LPP: variants seen among roughly 807,000 people sequenced by gnomAD.
LPP encodes lipoma-preferred partner.
Under a neutral mutation model 60.4 loss-of-function variants are expected in LPP, and 38 were observed. The observed-to-expected ratio is 0.63, with a 90% CI of 0.49 to 0.83. The LOEUF is 0.83. Among genes scored for constraint, LPP ranks in the 40% least tolerant of loss-of-function variants. LPP has a pLI of 0.00. For missense variants in LPP, 902 were observed against 783.6 expected, an observed-to-expected ratio of 1.15 and a Z score of -1.80; for synonymous variants, 328 against 290.8, an observed-to-expected ratio of 1.13 and a Z score of -1.30.
chr3:188,557,467 C>T (rs1046687244), intron 6 of LPP, among the ~76,000 whole-genome samples: 3 of 152,088 alleles, frequency 2.0e-5, no homozygotes, highest in African/African-American at 7.2e-5. Flanking sequence ...GTTGCAATTC[C>T]TGTGCCAATT....
chr3:188,423,943 G>A (rs1788590800), intron 4 of LPP, among the ~76,000 whole-genome samples: 1 of 151,956 alleles, frequency 6.6e-6, no homozygotes, highest in Non-Finnish European at 1.5e-5. Flanking sequence ...TTGCTGTGCA[G>A]AAGCTCTTTA....
intron 3 of LPP, among the ~76,000 whole-genome samples, chr3:188,363,190 A>G (rs1027640418): frequency 2.6e-5 from 4 of 152,158 alleles, no homozygotes; most frequent in Admixed American, 6.5e-5. Context: ...CCACAGGATG[A>G]TCTCTTTCAC....
At chr3:188,594,742 TA>T (rs1179155310) in intron 6 of LPP, among the ~76,000 whole-genome samples, 7 of 152,326 alleles carry the variant, frequency 4.6e-5, no homozygotes, top group East Asian at 1.9e-4. Context: ...GAGATATGAT[TA>T]TTTTTTTCTG....
At chr3:188,770,449 C>G (rs1735592788) in intron 9 of LPP, among the ~76,000 whole-genome samples, 1 of 151,408 alleles carries the variant, frequency 6.6e-6, no homozygotes, top group Non-Finnish European at 1.5e-5. Flanking sequence ...CCTTGGCCTC[C>G]CAAAGTGCTG....
intron 6 of LPP, among the ~76,000 whole-genome samples, chr3:188,589,860 A>G (rs1329984633): frequency 1.3e-5 from 2 of 152,228 alleles, no homozygotes; most frequent in Non-Finnish European, 2.9e-5. Context: ...TGAAATGTGT[A>G]GCTTGTGTAG....
intron 9 of LPP, among the ~76,000 whole-genome samples, chr3:188,799,757 C>A (rs1431562955): frequency 6.6e-6 from 1 of 152,140 alleles, no homozygotes; most frequent in East Asian, 1.9e-4. Context: ...TTAGTTTCTT[C>A]ATGCAAGCAA....
chr3:188,220,783 T>C (rs1560122830), intron 1 of LPP, among the ~76,000 whole-genome samples: 1 of 152,136 alleles, frequency 6.6e-6, no homozygotes, highest in Non-Finnish European at 1.5e-5. Context: ...GGGTCTGTTA[T>C]GTTGGTGAGA....
chr3:188,795,442 G>A (rs759786014), intron 9 of LPP, among the ~76,000 whole-genome samples: 1 of 152,178 alleles, frequency 6.6e-6, no homozygotes, highest in Non-Finnish European at 1.5e-5. Context: ...AAGCCTAGAG[G>A]TCCTATGCCA....
At chr3:188,555,932 T>A (rs1829356007) in intron 6 of LPP, among the ~76,000 whole-genome samples, 1 of 151,974 alleles carries the variant, frequency 6.6e-6, no homozygotes, top group Non-Finnish European at 1.5e-5. Context: ...TTTGATGTCA[T>A]GGAGAAAATA....
At chr3:188,462,247 AT>A (rs1799132350) in intron 4 of LPP, among the ~76,000 whole-genome samples, 1 of 151,402 alleles carries the variant, frequency 6.6e-6, no homozygotes, top group Non-Finnish European at 1.5e-5. Flanking sequence ...TATTATTATT[AT>A]TATTCTCATT....
chr3:188,656,693 T>C (rs948078475), intron 7 of LPP, among the ~76,000 whole-genome samples: 3 of 152,182 alleles, frequency 2.0e-5, no homozygotes, highest in Admixed American at 2.0e-4. Flanking sequence ...TCCCACTGAC[T>C]GGATTTGTGA....
At chr3:188,171,615 T>G in intron 1 of LPP, among the ~76,000 whole-genome samples, 1 of 152,234 alleles carries the variant, frequency 6.6e-6, no homozygotes, top group East Asian at 1.9e-4. Context: ...TATGGAATCA[T>G]ATTGTTGTTC....
chr3:188,295,085 G>A (rs944967453), intron 2 of LPP, among the ~76,000 whole-genome samples: 3 of 152,216 alleles, frequency 2.0e-5, no homozygotes, highest in Admixed American at 1.3e-4. Context: ...CGGTGGACGT[G>A]TGTAGAGGCT....
chr3:188,269,645 A>ATGTGTG lies in LPP; in HGVS notation c.-67+44148_-67+44153dup, dbSNP rs368115626. Among the ~76,000 whole-genome samples, 1,126 of 136,490 alleles carry ATGTGTG rather than the reference A, an allele frequency of 8.2e-3. 15 individuals carry two copies. Among genetic ancestry groups the ATGTGTG allele is most frequent in the African/African-American group, 0.024 (846 of 35,788 alleles). 89.5% of individuals were successfully genotyped at this position (136,490 alleles called of 152,430 possible). A position where few individuals can be genotyped will look rare whatever the true frequency, so the allele number is the denominator to read the frequency against. ...GCTAGCTGGTTGTGCCTTTTTTTTT[A>ATGTGTG]TGTGTGTGTGTGTGTGTGTGTGTGT... On this transcript the variant is annotated intron_variant, in intron 2 of 11. Transcript: ENST00000617246.
intron 9 of LPP, among the ~76,000 whole-genome samples, chr3:188,812,867 G>T (rs1055634332): frequency 1.3e-5 from 2 of 151,726 alleles, no homozygotes; most frequent in African/African-American, 4.8e-5. Flanking sequence ...AACATTCTGG[G>T]TACGGGTTTG....
chr3:188,590,171 G>A (rs563260208), intron 6 of LPP, among the ~76,000 whole-genome samples: 2 of 141,798 alleles, frequency 1.4e-5, no homozygotes, highest in Admixed American at 6.8e-5. Flanking sequence ...GGTATTGTGT[G>A]CTGTGTTCTC....
chr3:188,624,746 C>T (rs1463668953), intron 7 of LPP, among the ~76,000 whole-genome samples: 1 of 133,532 alleles, frequency 7.5e-6, no homozygotes, highest in African/African-American at 2.8e-5. Flanking sequence ...TTTCCCTTCC[C>T]TTCCCTTCTC....
At chr3:188,321,574 G>C (rs974896534) in intron 2 of LPP, among the ~76,000 whole-genome samples, 1 of 152,056 alleles carries the variant, frequency 6.6e-6, no homozygotes, top group East Asian at 1.9e-4. Context: ...AGAAGAATTG[G>C]CTCATTTTAT....
chr3:188,792,743 A>C (rs1431739161), intron 9 of LPP, among the ~76,000 whole-genome samples: 5 of 152,294 alleles, frequency 3.3e-5, no homozygotes, highest in African/African-American at 9.6e-5. Flanking sequence ...GATTGAAATC[A>C]GAAGTAAAGA....
Sources: gnomAD v4.1 joint callset for allele counts (sites outside exome capture counted in the v4.1 genomes callset) on GRCh38, gnomAD v4.1.1 for gene constraint, MANE v1.5 for transcripts, NCBI Gene and HGNC (gene_info 2026-07-23, HGNC 2026-07-21) for gene names.